The following AEBP2 variants were observed in gnomAD, a reference collection of about 807,000 sequenced individuals.
AEBP2 encodes the protein zinc finger protein AEBP2.
AEBP2 carries 10 observed loss-of-function variants against 50.8 expected under a neutral mutation model. That is an observed-to-expected ratio of 0.20 (90% confidence interval 0.12 to 0.33). The LOEUF (loss-of-function observed/expected upper bound fraction) is 0.33, where lower values mean the gene tolerates loss of function less well. AEBP2 is among the 10% of genes least tolerant of loss of function. The pLI is 1.00. For synonymous variants in AEBP2, 296 were observed against 261.3 expected (o/e 1.13, Z -1.28); for missense variants, 570 against 688.0 (o/e 0.83, Z 1.92).
rs767952492 is a variant in AEBP2, at chr12:19,439,903, A to AGGCGGCGGC, written c.207_215dup (p.Gly71_Gly73dup). 3 of 1,473,014 alleles carry AGGCGGCGGC rather than the reference A, an allele frequency of 2.0e-6. No individual in the cohort carries two copies. The highest frequency in any genetic ancestry group is 1.3e-5 in the South Asian group (1 of 76,408). 91.2% of individuals were successfully genotyped at this position (1,473,014 alleles called of 1,614,324 possible). A position where few individuals can be genotyped will look rare whatever the true frequency, so the allele number is the denominator to read the frequency against. ...ACGGCGGCAGCGGTGGGGGCGGCGG[A>AGGCGGCGGC]GGCGGCGGCGGAGGAGTGGGGGGCG... On this transcript the variant is annotated inframe_insertion, in exon 1 of 8. Coordinates refer to ENST00000266508, the MANE Select transcript of AEBP2 (RefSeq NM_153207.5).
chr12:19,417,536 T>C (rs1240314498), intron 1 of AEBP2, among the ~76,000 whole-genome samples: 1 of 146,944 alleles, frequency 6.8e-6, no homozygotes, highest in Admixed American at 6.9e-5. Context: ...CCTCCCAGAG[T>C]AGCTGGGATT....
rs541706429 is a variant in AEBP2 at position 19,509,087 on chromosome 12, A to C, written c.1300-3311A>C. The C allele has an allele frequency of 5.3e-6, 3 of 569,472 alleles. No individual in the cohort carries two copies. The African/African-American group carries it at 5.6e-5, about 11-fold the overall frequency. 35.3% of individuals were successfully genotyped at this position (569,472 alleles called of 1,614,324 possible). On this transcript the variant is annotated intron_variant, in intron 5 of 7. Transcript: ENST00000266508. ...TGGAGGGGTTCGTGCTGTGAGACCT[A>C]AAGTTCTTAATGAGATTGTCCAAAG...
At chr12:19,516,040 A>C (rs1396943994) in intron 7 of AEBP2, among the ~76,000 whole-genome samples, 1 of 152,188 alleles carries the variant, frequency 6.6e-6, no homozygotes, top group Non-Finnish European at 1.5e-5. Flanking sequence ...AGCCAGGATT[A>C]CACCACTGCA....
chr12:19,427,579 T>A (rs572788332), intron 1 of AEBP2, among the ~76,000 whole-genome samples: 3 of 150,996 alleles, frequency 2.0e-5, no homozygotes, highest in South Asian at 4.1e-4. Context: ...AGACAGTAGG[T>A]TGCTGGACTT....
At chr12:19,509,323 T>C (rs1949199278) in intron 5 of AEBP2, 1 of 207,846 alleles carries the variant, frequency 4.8e-6, no homozygotes. Context: ...TGAATGCTTT[T>C]GGTTGGCTAA....
chr12:19,457,023 T>G (rs1948281394), intron 1 of AEBP2: 1 of 1,603,430 alleles, frequency 6.2e-7, no homozygotes, highest in Non-Finnish European at 8.5e-7. Context: ...TGTTAAAACT[T>G]GGCTCCAGCA....
intron 1 of AEBP2, among the ~76,000 whole-genome samples, chr12:19,406,042 C>G (rs1448526953): frequency 6.6e-6 from 1 of 150,864 alleles, no homozygotes; most frequent in East Asian, 2.0e-4. Context: ...TCTTGGCTCA[C>G]TGCAACCTCT....
intron 1 of AEBP2, among the ~76,000 whole-genome samples, chr12:19,442,318 G>C (rs1947976244): frequency 6.6e-6 from 1 of 152,136 alleles, no homozygotes; most frequent in African/African-American, 2.4e-5. Context: ...TGAGGCAGGA[G>C]AATCGCTTGA....
chr12:19,465,083 C>T (rs926176242), intron 2 of AEBP2, among the ~76,000 whole-genome samples: 1 of 151,996 alleles, frequency 6.6e-6, no homozygotes, highest in Admixed American at 6.6e-5. Context: ...TAATAAGATT[C>T]TCTAGCTGAT....
At chr12:19,407,461 G>A (rs1213651946) in intron 1 of AEBP2, among the ~76,000 whole-genome samples, 1 of 152,080 alleles carries the variant, frequency 6.6e-6, no homozygotes, top group Non-Finnish European at 1.5e-5. Context: ...ACGCCACCAT[G>A]CCCAGTTAAT....
intron 1 of AEBP2, among the ~76,000 whole-genome samples, chr12:19,452,099 C>G (rs1316286536): frequency 2.6e-5 from 4 of 152,104 alleles, no homozygotes; most frequent in Non-Finnish European, 5.9e-5. Flanking sequence ...CCATGTTGGC[C>G]AGGCTGGTCT....
chr12:19,422,747 C>G (rs1200690512), intron 1 of AEBP2, among the ~76,000 whole-genome samples: 1 of 152,004 alleles, frequency 6.6e-6, no homozygotes, highest in Non-Finnish European at 1.5e-5. Context: ...AGTCTGATAA[C>G]TCTTGTGTGA....
At chr12:19,457,748 C>T in intron 1 of AEBP2, 1 of 631,512 alleles carries the variant, frequency 1.6e-6, no homozygotes, top group Admixed American at 4.0e-5. Context: ...TCGGTTCCTA[C>T]TAGTCAAAAT....
chr12:19,487,082 G>C (rs541673943), intron 3 of AEBP2, among the ~76,000 whole-genome samples: 6 of 152,098 alleles, frequency 3.9e-5, no homozygotes, highest in Non-Finnish European at 8.8e-5. Context: ...TGGGTGAAGT[G>C]CCTATTCAAG....
At chr12:19,462,824 A>G in intron 2 of AEBP2, 107 bp downstream of exon 2, 1 of 1,029,146 alleles carries the variant, frequency 9.7e-7, no homozygotes, top group Non-Finnish European at 1.4e-6. Flanking sequence ...TTATTTTTAC[A>G]CAGGCTTAGT....
intron 1 of AEBP2, among the ~76,000 whole-genome samples, chr12:19,426,125 G>A (rs549256298): frequency 2.0e-5 from 3 of 152,126 alleles, no homozygotes; most frequent in Non-Finnish European, 4.4e-5. Flanking sequence ...TTGTAGAAAC[G>A]GGGTTTCACC....
chr12:19,471,537 T>C (rs967577557), intron 2 of AEBP2, among the ~76,000 whole-genome samples: 1 of 152,108 alleles, frequency 6.6e-6, no homozygotes, highest in African/African-American at 2.4e-5. Flanking sequence ...GGTCTCACTG[T>C]GTCACCTACA....
intron 1 of AEBP2, chr12:19,457,420 A>C (rs1948289734): frequency 1.9e-5 from 28 of 1,497,388 alleles, no homozygotes; most frequent in Non-Finnish European, 2.5e-5. Flanking sequence ...AATTTCCACA[A>C]GGAGGTATTA....
chr12:19,428,762 G>A (rs1363136971), intron 1 of AEBP2, among the ~76,000 whole-genome samples: 3 of 151,570 alleles, frequency 2.0e-5, no homozygotes, highest in Admixed American at 6.6e-5. Context: ...ACAGTGAGCC[G>A]ACATCACACC....
Sources: gnomAD v4.1 joint callset for allele counts (sites outside exome capture counted in the v4.1 genomes callset) on GRCh38, gnomAD v4.1.1 for gene constraint, MANE v1.5 for transcripts, NCBI Gene and HGNC (gene_info 2026-07-23, HGNC 2026-07-21) for gene names.